CCNB2: variants seen among roughly 807,000 people sequenced by gnomAD.
The protein encoded by CCNB2 is G2/mitotic-specific cyclin-B2.
CCNB2 carries 39 observed loss-of-function variants against 51.1 expected under a neutral mutation model. The observed-to-expected ratio is 0.76, with a 90% CI of 0.59 to 1.00. CCNB2 has a LOEUF of 1.00. CCNB2 is among the 50% of genes least tolerant of loss of function. The pLI is 0.00. For missense variants in CCNB2, 472 were observed against 470.3 expected (o/e 1.00, Z -0.03); for synonymous variants, 174 against 165.5 (o/e 1.05, Z -0.40).
chr15:59,122,239 A>ATTTTTTTTTT (rs1330208146), intron 7 of CCNB2, among the ~76,000 whole-genome samples: 12 of 97,428 alleles, frequency 1.2e-4, no homozygotes, highest in Admixed American at 8.3e-4. Flanking sequence ...CAGTTGACAT[A>ATTTTTTTTTT]TCTTTTTTTT....
chr15:59,108,913 A>G (rs1405387346), intron 3 of CCNB2, among the ~76,000 whole-genome samples: 4 of 152,220 alleles, frequency 2.6e-5, no homozygotes, highest in South Asian at 2.1e-4. Flanking sequence ...GAAGGTTTCT[A>G]TAACAGTGAC....
intron 3 of CCNB2, 106 bp downstream of exon 3, chr15:59,107,776 C>CT: frequency 1.3e-6 from 1 of 775,620 alleles, no homozygotes; most frequent in Non-Finnish European, 2.1e-6. Flanking sequence ...ACATTCATAG[C>CT]TGGAGCTCTG....
At chr15:59,113,786 C>T (rs1239726438) in intron 3 of CCNB2, among the ~76,000 whole-genome samples, 1 of 152,120 alleles carries the variant, frequency 6.6e-6, no homozygotes, top group East Asian at 1.9e-4. Context: ...AGTGCAGTGG[C>T]GTGATCTTGG....
At chr15:59,123,859 C>A in intron 8 of CCNB2, 1 of 438,908 alleles carries the variant, frequency 2.3e-6, no homozygotes, top group Non-Finnish European at 4.2e-6. Context: ...CTAGCCATGT[C>A]CAGGCCCAGA....
chr15:59,119,469 A>AAAC (rs1236289953), intron 7 of CCNB2, among the ~76,000 whole-genome samples: 2 of 151,158 alleles, frequency 1.3e-5, no homozygotes, highest in East Asian at 1.9e-4. Context: ...CCAAAAAAAA[A>AAAC]AAAAAAAACA....
At chr15:59,122,545 TTC>T (rs1202253203) in intron 7 of CCNB2, among the ~76,000 whole-genome samples, 1 of 150,634 alleles carries the variant, frequency 6.6e-6, no homozygotes, top group African/African-American at 2.5e-5. Flanking sequence ...TTCTTTTTTT[TTC>T]TTTTTTTTTT....
intron 3 of CCNB2, among the ~76,000 whole-genome samples, chr15:59,112,701 A>G (rs1014857150): frequency 6.6e-6 from 1 of 152,028 alleles, no homozygotes; most frequent in Non-Finnish European, 1.5e-5. Context: ...ATAGCTTAGC[A>G]TCTTGTTAGG....
At chr15:59,108,798 C>G (rs2079246100) in intron 3 of CCNB2, among the ~76,000 whole-genome samples, 1 of 152,202 alleles carries the variant, frequency 6.6e-6, no homozygotes, top group African/African-American at 2.4e-5. Context: ...ACAGATTTGT[C>G]AGCTTTCTTC....
chr15:59,121,724 G>A (rs999554605), intron 7 of CCNB2, among the ~76,000 whole-genome samples: 1 of 151,968 alleles, frequency 6.6e-6, no homozygotes, highest in Non-Finnish European at 1.5e-5. Context: ...TTGAGGCCAG[G>A]AGTTTGAGAC....
chr15:59,117,499 C>CAAAA, intron 7 of CCNB2, 131 bp downstream of exon 7: 1 of 920,688 alleles, frequency 1.1e-6, no homozygotes, highest in Non-Finnish European at 1.6e-6. Context: ...GACAGGGTCT[C>CAAAA]ATTCTGTCAC....
At position 59,117,356 on chromosome 15, in the gene CCNB2, A is replaced by G. The variant is rs142849994; in HGVS notation, c.963A>G (p.Gly321=). ...CCTGCTTGTCTCAGAAGGTTCTAGG[A>G]CAAGGAAAATGGGTGAGTGGTGGAT... ...AASCLSQKVL[G]QGKWNLKQQY... Residue 321 remains glycine, a synonymous_variant, in exon 7 of 9, where the codon GGA becomes GGG. Coordinates refer to ENST00000288207, the MANE Select transcript of CCNB2 (RefSeq NM_004701.4). 1 of 1,613,610 alleles carries G rather than the reference A, an allele frequency of 6.2e-7. No individual in the cohort carries two copies. The highest frequency in any genetic ancestry group is 8.5e-7 in the Non-Finnish European group (1 of 1,179,784).
rs2079283580 is a variant in CCNB2 at position 59,117,375 on chromosome 15, G to C, written c.975+7G>C. On this transcript the variant is annotated splice_region_variant and intron_variant, in intron 7 of 8. Transcript: ENST00000288207. ...TCTAGGACAAGGAAAATGGGTGAGT[G>C]GTGGATTTAAGAAGAAACTAATTAG... The C allele has an allele frequency of 6.2e-7, 1 of 1,611,222 alleles. No individual in the cohort carries two copies. The highest frequency in any genetic ancestry group is 1.7e-5 in the Admixed American group (1 of 59,866).
intron 5 of CCNB2, among the ~76,000 whole-genome samples, chr15:59,116,384 C>T (rs866520114): frequency 2.6e-5 from 4 of 152,164 alleles, no homozygotes; most frequent in African/African-American, 9.7e-5. Flanking sequence ...ATTGAATGAT[C>T]TTGGCATGGT....
At chr15:59,111,854 T>G (rs1344530885) in intron 3 of CCNB2, among the ~76,000 whole-genome samples, 3 of 147,436 alleles carry the variant, frequency 2.0e-5, no homozygotes, top group African/African-American at 7.9e-5. Flanking sequence ...CTTTCTTTCT[T>G]TCTTTTTTTT....
intron 5 of CCNB2, chr15:59,115,430 A>G (rs575101934): frequency 4.6e-5 from 7 of 152,624 alleles, no homozygotes; most frequent in Admixed American, 2.6e-4. Flanking sequence ...ATAAGAAAAT[A>G]AGAGGCAAAC....
intron 3 of CCNB2, among the ~76,000 whole-genome samples, chr15:59,108,693 G>A (rs1374395565): frequency 6.6e-6 from 1 of 152,200 alleles, no homozygotes; most frequent in Non-Finnish European, 1.5e-5. Context: ...CTTTGGTAAA[G>A]GTATCCTGTT....
At chr15:59,112,947 T>C (rs1042746309) in intron 3 of CCNB2, among the ~76,000 whole-genome samples, 4 of 151,554 alleles carry the variant, frequency 2.6e-5, no homozygotes, top group Non-Finnish European at 4.4e-5. Flanking sequence ...GGCAGGAGAA[T>C]GGCGTGAACC....
chr15:59,107,259 CTAACAT>C, intron 1 of CCNB2, 57 bp from the exon 2 acceptor site: 1 of 1,454,700 alleles, frequency 6.9e-7, no homozygotes, highest in Non-Finnish European at 9.3e-7. Flanking sequence ...ATTTGAGTAT[CTAACAT>C]TAGCAAAGTA....
At chr15:59,123,491 C>A in intron 7 of CCNB2, 26 bp from the exon 8 acceptor site, 1 of 1,386,534 alleles carries the variant, frequency 7.2e-7, no homozygotes, top group Admixed American at 1.7e-5. Context: ...TCAGTCATGT[C>A]TGTCTGTCTG....
Sources: allele counts gnomAD v4.1 joint callset (sites outside exome capture counted in the v4.1 genomes callset), GRCh38; gene constraint gnomAD v4.1.1; transcripts MANE v1.5; gene names NCBI Gene and HGNC (gene_info 2026-07-23, HGNC 2026-07-21).